The following PCDHA5 variants were observed in gnomAD, a reference collection of about 807,000 sequenced individuals.
The protein encoded by PCDHA5 is protocadherin alpha 5.
In PCDHA5, 43 loss-of-function variants were observed where a neutral mutation model predicts 61.6. The ratio of observed to expected loss-of-function variants is 0.70; its 90% CI spans 0.55 to 0.90. The LOEUF is 0.90. PCDHA5 is among the 40% of genes least tolerant of loss of function. The pLI is 0.00. For missense variants in PCDHA5, 1,298 were observed against 1,222.7 expected (o/e 1.06, Z -0.92); for synonymous variants, 627 against 543.9 (o/e 1.15, Z -2.13).
chr5:140,925,935 CTCTTGGAG>C (rs35448813), intron 1 of PCDHA5, among the ~76,000 whole-genome samples: 7,062 of 152,190 alleles, frequency 0.046, 287 homozygotes, highest in African/African-American at 0.11. Context: ...CAAGTAGAGC[CTCTTGGAG>C]AAGGAGAAAC....
chr5:140,927,805 C>T (rs2084654444), intron 1 of PCDHA5: 1 of 1,614,074 alleles, frequency 6.2e-7, no homozygotes, highest in South Asian at 1.1e-5. Context: ...GCCTGAAACG[C>T]TCTTGGAGGC....
chr5:140,837,564 A>G, intron 1 of PCDHA5, among the ~76,000 whole-genome samples: 1 of 152,062 alleles, frequency 6.6e-6, no homozygotes, highest in South Asian at 2.1e-4. Context: ...ATATAAATAT[A>G]TTTACAATCA....
chr5:140,840,876 C>T (rs975693144), intron 1 of PCDHA5, among the ~76,000 whole-genome samples: 2 of 151,942 alleles, frequency 1.3e-5, no homozygotes, highest in Admixed American at 1.3e-4. Context: ...GGACAGTTTA[C>T]ATTTCTGATA....
At chr5:140,857,857 C>A (rs1415276512) in intron 1 of PCDHA5, 1 of 1,597,670 alleles carries the variant, frequency 6.3e-7, no homozygotes, top group Non-Finnish European at 8.6e-7. Flanking sequence ...CTGGATACAA[C>A]GCGTGGCTGT....
chr5:140,944,689 A>T (rs1360975363), intron 1 of PCDHA5, among the ~76,000 whole-genome samples: 1 of 152,226 alleles, frequency 6.6e-6, no homozygotes, highest in Non-Finnish European at 1.5e-5. Context: ...TCCTATTAAT[A>T]ACAGTAATTA....
At chr5:140,932,727 A>G (rs927294598) in intron 1 of PCDHA5, among the ~76,000 whole-genome samples, 2 of 151,954 alleles carry the variant, frequency 1.3e-5, no homozygotes, top group Non-Finnish European at 2.9e-5. Flanking sequence ...ATTGTATAAT[A>G]TAGACCCTCA....
chr5:140,918,107 C>T (rs2078522550), intron 1 of PCDHA5, among the ~76,000 whole-genome samples: 1 of 152,132 alleles, frequency 6.6e-6, no homozygotes. Flanking sequence ...AGATCTTTCA[C>T]ATCCTTGATT....
chr5:140,843,565 G>T, intron 1 of PCDHA5: 1 of 1,595,918 alleles, frequency 6.3e-7, no homozygotes, highest in South Asian at 1.1e-5. Flanking sequence ...TGGGGAGCTG[G>T]TCATACTCGC....
chr5:140,918,929 A>G (rs2078930762), intron 1 of PCDHA5, among the ~76,000 whole-genome samples: 1 of 152,226 alleles, frequency 6.6e-6, no homozygotes, highest in Non-Finnish European at 1.5e-5. Context: ...AGCATATGGC[A>G]TTTTGTTATA....
intron 1 of PCDHA5, among the ~76,000 whole-genome samples, chr5:140,921,875 A>G (rs1414785128): frequency 6.6e-6 from 1 of 152,118 alleles, no homozygotes; most frequent in Non-Finnish European, 1.5e-5. Flanking sequence ...CAGTATATAT[A>G]TAAGATTTTA....
In PCDHA5 at chr5:140,869,220, C is replaced by T. The variant is rs184355295; in HGVS notation, c.2352+45093C>T. 1,109 of 1,613,836 alleles carry T rather than the reference C, an allele frequency of 6.9e-4. 5 individuals are homozygous for T. The African/African-American group carries it at 0.013, about 19-fold the overall frequency. On this transcript the variant is annotated intron_variant, in intron 1 of 3. Coordinates refer to ENST00000529859, the MANE Select transcript of PCDHA5 (RefSeq NM_018908.3). ...TCCACTACTCCGTCTCGGAGGAGGC[C>T]AAACACGGCACCTTCGTGGGCCGCA...
At chr5:140,967,872 A>C (rs2096192784) in intron 1 of PCDHA5, 2 of 1,614,034 alleles carry the variant, frequency 1.2e-6, no homozygotes, top group Non-Finnish European at 1.7e-6. Context: ...GTGCTCACGG[A>C]CCTGTATAGC....
rs201902460 is a variant in PCDHA5 at position 140,856,564 on chromosome 5, T to G, written c.2352+32437T>G. 3.5e-5 allele frequency: 56 copies of G among 1,597,706 alleles called. 2 individuals are homozygous for G. The highest frequency in any genetic ancestry group is 8.8e-5 in the South Asian group (8 of 90,522). Reference sequence around the variant, plus strand: ...ACGCATTGCTTACTTACAAACTCAGTCCAAATGAGTATTTTGTTCTTGATA... The same window carrying G: ...ACGCATTGCTTACTTACAAACTCAGGCCAAATGAGTATTTTGTTCTTGATA... On this transcript the variant is annotated intron_variant, in intron 1 of 3. Transcript: ENST00000529859.
chr5:140,867,224 C>A (rs1432488021), intron 1 of PCDHA5: 7 of 152,034 alleles, frequency 4.6e-5, no homozygotes, highest in African/African-American at 1.4e-4. Flanking sequence ...TCCCCAATTC[C>A]CATAATAAGG....
intron 1 of PCDHA5, chr5:140,824,610 G>GTTGTT (rs1768193318): frequency 4.2e-5 from 4 of 95,102 alleles, no homozygotes; most frequent in African/African-American, 1.9e-4. Flanking sequence ...GCTAATTAAA[G>GTTGTT]TTTTTTTTTT....
intron 1 of PCDHA5, among the ~76,000 whole-genome samples, chr5:140,908,097 G>A (rs184366035): frequency 2.6e-5 from 4 of 152,212 alleles, no homozygotes; most frequent in African/African-American, 9.6e-5. Flanking sequence ...ACTGATTGAA[G>A]TTCTGTCCAC....
chr5:140,853,750 C>T (rs2042854263), intron 1 of PCDHA5: 1 of 988,454 alleles, frequency 1.0e-6, no homozygotes, highest in Non-Finnish European at 1.2e-6. Context: ...TGGTTCAAGG[C>T]TCCACCTCAG....
intron 3 of PCDHA5, among the ~76,000 whole-genome samples, chr5:140,993,758 T>C (rs1205942777): frequency 6.6e-6 from 1 of 152,226 alleles, no homozygotes; most frequent in Non-Finnish European, 1.5e-5. Flanking sequence ...GCCATTATAT[T>C]ACAATTGCGC....
intron 1 of PCDHA5, chr5:140,884,317 G>A (rs1401667312): frequency 3.1e-6 from 5 of 1,613,662 alleles, no homozygotes; most frequent in African/African-American, 2.7e-5. Flanking sequence ...CGAGGGCGTC[G>A]GCAGGCGCTG....
Sources: gnomAD v4.1 joint callset for allele counts (sites outside exome capture counted in the v4.1 genomes callset) on GRCh38, gnomAD v4.1.1 for gene constraint, MANE v1.5 for transcripts, NCBI Gene and HGNC (gene_info 2026-07-23, HGNC 2026-07-21) for gene names.